The following SLC60A2 variants were observed in gnomAD, a reference collection of about 807,000 sequenced individuals.
SLC60A2 encodes solute carrier family 60 member 2.
chr6:111,274,783 G>C, the SLC60A2 span, among the ~76,000 whole-genome samples: 1 of 152,090 alleles, frequency 6.6e-6, no homozygotes, highest in Admixed American at 6.6e-5. Flanking sequence ...TAGTTGTGAT[G>C]AATTCCATCA....
the SLC60A2 span, among the ~76,000 whole-genome samples, chr6:111,273,761 T>G: frequency 2.3e-3 from 343 of 152,292 alleles, 2 homozygotes; most frequent in Non-Finnish European, 3.8e-3. Context: ...AGTCTCACTC[T>G]GTTACCCAGG....
the SLC60A2 span, chr6:111,269,279 A>G: frequency 6.6e-6 from 1 of 152,388 alleles, no homozygotes; most frequent in African/African-American, 2.4e-5. Flanking sequence ...AGCTCACTGC[A>G]ACCTCTGCCT....
chr6:111,264,211 C>A, the SLC60A2 span, among the ~76,000 whole-genome samples: 1 of 152,152 alleles, frequency 6.6e-6, no homozygotes, highest in Non-Finnish European at 1.5e-5. Context: ...CAGGGAAGGG[C>A]CCCTGTGTGG....
At chr6:111,273,158 A>G in the SLC60A2 span, among the ~76,000 whole-genome samples, 2 of 151,900 alleles carry the variant, frequency 1.3e-5, no homozygotes, top group Non-Finnish European at 2.9e-5. Flanking sequence ...AGAAAAGATT[A>G]TATGTTTTTT....
chr6:111,262,903 T>C, the SLC60A2 span, among the ~76,000 whole-genome samples: 1 of 151,848 alleles, frequency 6.6e-6, no homozygotes, highest in Non-Finnish European at 1.5e-5. Flanking sequence ...AACCCCAGAG[T>C]GCTCTGTCTC....
chr6:111,269,091 A>G, the SLC60A2 span: 1 of 152,140 alleles, frequency 6.6e-6, no homozygotes, highest in African/African-American at 2.4e-5. Context: ...CTGCCCGCCC[A>G]TTCACCTTAT....
the SLC60A2 span, chr6:111,266,939 G>C: frequency 2.5e-6 from 4 of 1,614,014 alleles, no homozygotes; most frequent in Middle Eastern, 1.6e-4. Flanking sequence ...TGATTGAAAC[G>C]AATGATACAA....
chr6:111,272,509 A>ATTTTTT, the SLC60A2 span, among the ~76,000 whole-genome samples: 1 of 114,704 alleles, frequency 8.7e-6, no homozygotes, highest in Non-Finnish European at 1.9e-5. Flanking sequence ...TTCTAACTGT[A>ATTTTTT]TTTTTTTTTT....
At chr6:111,267,224 T>C in the SLC60A2 span, 75 of 1,171,898 alleles carry the variant, frequency 6.4e-5, no homozygotes, top group Non-Finnish European at 8.2e-5. Context: ...GGATTAAAAT[T>C]TTTAGGTCCA....
chr6:111,274,335 T>C, the SLC60A2 span, among the ~76,000 whole-genome samples: 3 of 152,248 alleles, frequency 2.0e-5, no homozygotes, highest in East Asian at 5.8e-4. Flanking sequence ...GTTTTGGTTT[T>C]GCTTTGTGTG....
the SLC60A2 span, among the ~76,000 whole-genome samples, chr6:111,262,854 CTA>C: frequency 6.6e-6 from 1 of 152,074 alleles, no homozygotes. Flanking sequence ...CTGATGTAGG[CTA>C]TGTTTTTGTT....
At chr6:111,267,101 A>G in the SLC60A2 span, 21 of 1,610,006 alleles carry the variant, frequency 1.3e-5, no homozygotes, top group Non-Finnish European at 1.8e-5. Context: ...AAACCAGGAC[A>G]AAAGGGACTA....
chr6:111,265,831 A>G, the SLC60A2 span: 1 of 1,508,022 alleles, frequency 6.6e-7, no homozygotes, highest in Non-Finnish European at 8.9e-7. Context: ...TTAATAAGTA[A>G]GTAACTGTTT....
chr6:111,262,476 A>G, the SLC60A2 span: 4 of 1,534,584 alleles, frequency 2.6e-6, no homozygotes, highest in African/African-American at 4.1e-5. Flanking sequence ...TGAATTTACA[A>G]GTTGTCTTTG....
chr6:111,276,130 T>TA, the SLC60A2 span, among the ~76,000 whole-genome samples: 3 of 152,252 alleles, frequency 2.0e-5, no homozygotes, highest in Non-Finnish European at 4.4e-5. Flanking sequence ...AAGTCTATGA[T>TA]ACACCATTGT....
chr6:111,260,248 G>A, the SLC60A2 span, among the ~76,000 whole-genome samples: 1 of 152,170 alleles, frequency 6.6e-6, no homozygotes, highest in Non-Finnish European at 1.5e-5. Flanking sequence ...CGGATGGGAA[G>A]GTTGCAAGAG....
At chr6:111,278,664 T>A in the SLC60A2 span, 3 of 152,302 alleles carry the variant, frequency 2.0e-5, no homozygotes, top group African/African-American at 7.2e-5. Context: ...TGTGATTTGC[T>A]GCTCCTTGCC....
chr6:111,273,932 A>G, the SLC60A2 span, among the ~76,000 whole-genome samples: 1 of 151,992 alleles, frequency 6.6e-6, no homozygotes, highest in South Asian at 2.1e-4. Flanking sequence ...TATGTTTCCC[A>G]GGCAGGTCTT....
At chr6:111,266,281 T>C in the SLC60A2 span, 1 of 1,614,226 alleles carries the variant, frequency 6.2e-7, no homozygotes, top group Admixed American at 1.7e-5. Context: ...TTCTTCTTTT[T>C]TTATGTTGGA....
Sources: gnomAD v4.1 joint callset for allele counts (sites outside exome capture counted in the v4.1 genomes callset) on GRCh38, gnomAD v4.1.1 for gene constraint, MANE v1.5 for transcripts, NCBI Gene and HGNC (gene_info 2026-07-23, HGNC 2026-07-21) for gene names.